The following ROBO1 variants were observed in gnomAD, a reference collection of about 807,000 sequenced individuals.
The protein encoded by ROBO1 is roundabout homolog 1.
Under a neutral mutation model 195.9 loss-of-function variants are expected in ROBO1, and 149 were observed. That is an observed-to-expected ratio of 0.76 (90% CI 0.67 to 0.87). The LOEUF is 0.87. Ranked by LOEUF, ROBO1 falls within the 40% of genes least tolerant of loss-of-function variation. The pLI is 0.00. For missense variants in ROBO1, 1,933 were observed against 2,068.3 expected, an observed-to-expected ratio of 0.93 and a Z score of 1.27; for synonymous variants, 816 against 733.2, an observed-to-expected ratio of 1.11 and a Z score of -1.82.
chr3:78,978,688 T>C (rs1427397026), intron 3 of ROBO1, among the ~76,000 whole-genome samples: 1 of 152,118 alleles, frequency 6.6e-6, no homozygotes, highest in Non-Finnish European at 1.5e-5. Context: ...TTTTCCATAA[T>C]ATTCTGCACG....
intron 2 of ROBO1, among the ~76,000 whole-genome samples, chr3:79,353,592 T>C (rs960789615): frequency 6.6e-5 from 10 of 152,158 alleles, no homozygotes; most frequent in African/African-American, 2.4e-4. Context: ...CGTGTGGACA[T>C]GGAGGTGCTG....
chr3:78,834,081 T>C (rs1220158135), intron 4 of ROBO1, among the ~76,000 whole-genome samples: 1 of 151,878 alleles, frequency 6.6e-6, no homozygotes, highest in Non-Finnish European at 1.5e-5. Flanking sequence ...AGGTAGGAAA[T>C]GGAAAATTAT....
intron 4 of ROBO1, among the ~76,000 whole-genome samples, chr3:78,869,995 C>T (rs1227856008): frequency 1.3e-5 from 2 of 152,204 alleles, no homozygotes; most frequent in Non-Finnish European, 2.9e-5. Flanking sequence ...ATATGGTTTT[C>T]AAAGAACCAC....
intron 2 of ROBO1, among the ~76,000 whole-genome samples, chr3:79,424,344 T>C (rs890949657): frequency 1.3e-5 from 2 of 152,142 alleles, no homozygotes; most frequent in African/African-American, 4.8e-5. Flanking sequence ...TCACACTGAA[T>C]ATGACCTGGA....
intron 1 of ROBO1, among the ~76,000 whole-genome samples, chr3:79,753,303 A>AG (rs1250194549): frequency 2.6e-5 from 4 of 151,000 alleles, no homozygotes; most frequent in Admixed American, 2.6e-4. Context: ...AAAAAAAAAA[A>AG]CTTTCCCAGA....
At chr3:79,003,544 G>C (rs879514789) in intron 3 of ROBO1, among the ~76,000 whole-genome samples, 1 of 151,994 alleles carries the variant, frequency 6.6e-6, no homozygotes, top group Admixed American at 6.6e-5. Flanking sequence ...AGTTTTCACA[G>C]TAACCCCATC....
At chr3:79,178,400 A>C (rs898028161) in intron 2 of ROBO1, among the ~76,000 whole-genome samples, 1 of 152,216 alleles carries the variant, frequency 6.6e-6, no homozygotes, top group Non-Finnish European at 1.5e-5. Flanking sequence ...ACATCCGCAT[A>C]AGGAAATAGG....
chr3:79,116,941 C>T (rs1353408374), intron 3 of ROBO1, among the ~76,000 whole-genome samples: 2 of 152,010 alleles, frequency 1.3e-5, no homozygotes, highest in Non-Finnish European at 2.9e-5. Context: ...TTTTTAATTG[C>T]TTTTTAAAAG....
chr3:78,807,060 G>A lies in ROBO1; in HGVS notation c.500-60160C>T, dbSNP rs374345426. ...TGACCACAAGTGATCCACCCACCTC[G>A]GCCTCCCAAGGTGCTGGTATTACAG... On this transcript the variant is annotated intron_variant, in intron 4 of 30. Coordinates refer to ENST00000464233, the MANE Select transcript of ROBO1 (RefSeq NM_002941.4). Among the ~76,000 whole-genome samples, 42 of 152,078 alleles carry A rather than the reference G, an allele frequency of 2.8e-4. No individual in the cohort carries two copies. In the Middle Eastern group the frequency reaches 0.01, roughly 37 times the overall value.
At position 78,668,318 on chromosome 3, in the gene ROBO1, A is replaced by C. The variant is rs1334500993; in HGVS notation, c.1631-16T>G. On this transcript the variant is annotated splice_polypyrimidine_tract_variant and intron_variant, in intron 12 of 30. Coordinates refer to ENST00000464233, the MANE Select transcript of ROBO1 (RefSeq NM_002941.4). ...ACTCCAAATTCTAAAAAGCAGGAAA[A>C]AGGCCAAAATAAAAGATGTTTACAC... 2 of 1,611,916 alleles carry C rather than the reference A, an allele frequency of 1.2e-6. No homozygotes were observed. Among genetic ancestry groups the C allele is most frequent in the East Asian group, 4.5e-5 (2 of 44,854 alleles).
chr3:79,387,512 T>C (rs1318896697), intron 2 of ROBO1, among the ~76,000 whole-genome samples: 1 of 151,332 alleles, frequency 6.6e-6, no homozygotes, highest in Non-Finnish European at 1.5e-5. Context: ...TTTGAAATAT[T>C]AGCTAATGTT....
chr3:78,669,336 A>G (rs774145565), intron 11 of ROBO1, among the ~76,000 whole-genome samples: 1 of 152,192 alleles, frequency 6.6e-6, no homozygotes, highest in Admixed American at 6.5e-5. Flanking sequence ...GCAGCACAAC[A>G]TATTAACTGT....
chr3:79,509,594 C>T (rs959052861), intron 2 of ROBO1, among the ~76,000 whole-genome samples: 1 of 152,048 alleles, frequency 6.6e-6, no homozygotes, highest in Admixed American at 6.6e-5. Context: ...TTTGTGTGTT[C>T]ATTTGATTGA....
chr3:79,576,802 C>T (rs1396061113), intron 2 of ROBO1, among the ~76,000 whole-genome samples: 1 of 152,080 alleles, frequency 6.6e-6, no homozygotes. Flanking sequence ...AATTCTAAAC[C>T]TTGTGTTTGA....
intron 5 of ROBO1, among the ~76,000 whole-genome samples, chr3:78,741,902 A>G (rs1233340501): frequency 6.6e-6 from 1 of 152,172 alleles, no homozygotes; most frequent in Non-Finnish European, 1.5e-5. Context: ...ATATGTGCCA[A>G]AAAAGTTCTA....
At chr3:79,240,022 C>T (rs2082483031) in intron 2 of ROBO1, among the ~76,000 whole-genome samples, 1 of 152,124 alleles carries the variant, frequency 6.6e-6, no homozygotes, top group South Asian at 2.1e-4. Flanking sequence ...ATATCCATTA[C>T]CTCATATACA....
intron 19 of ROBO1, among the ~76,000 whole-genome samples, 194 bp from the exon 20 acceptor site, chr3:78,647,849 AT>A (rs1263742362): frequency 6.6e-6 from 1 of 152,056 alleles, no homozygotes; most frequent in African/African-American, 2.4e-5. Context: ...TACAGGTACC[AT>A]TTTGAAGTGT....
intron 5 of ROBO1, among the ~76,000 whole-genome samples, chr3:78,722,547 G>A (rs1158470122): frequency 2.6e-5 from 4 of 152,182 alleles, no homozygotes; most frequent in South Asian, 2.1e-4. Flanking sequence ...ATGCACTTTT[G>A]TAACAATAGC....
At chr3:78,931,157 G>T (rs1367166663) in intron 4 of ROBO1, among the ~76,000 whole-genome samples, 6 of 149,734 alleles carry the variant, frequency 4.0e-5, no homozygotes, top group African/African-American at 1.5e-4. Context: ...ACTTTTTTTT[G>T]GACAAACTAT....
Sources: gnomAD v4.1 joint callset for allele counts (sites outside exome capture counted in the v4.1 genomes callset) on GRCh38, gnomAD v4.1.1 for gene constraint, MANE v1.5 for transcripts, NCBI Gene and HGNC (gene_info 2026-07-23, HGNC 2026-07-21) for gene names.